CAST: variants seen among roughly 807,000 people sequenced by gnomAD.
CAST encodes the protein calpastatin, also known as MIR583 host.
In CAST, 76 loss-of-function variants were observed where a neutral mutation model predicts 119.6. That is an observed-to-expected ratio of 0.64 (90% CI 0.53 to 0.77). The LOEUF (loss-of-function observed/expected upper bound fraction) is 0.77. Ranked by LOEUF, CAST falls within the 30% of genes least tolerant of loss-of-function variation. The pLI, the probability that CAST is intolerant of heterozygous loss-of-function variation, is 0.00. For synonymous variants in CAST, 319 were observed against 331.6 expected (o/e 0.96, Z 0.41); for missense variants, 953 against 946.5 (o/e 1.01, Z -0.09).
the CAST span, among the ~76,000 whole-genome samples, chr5:96,217,167 T>C: frequency 6.6e-6 from 1 of 150,606 alleles, no homozygotes; most frequent in Non-Finnish European, 1.5e-5. Context: ...GCCTCTGAAA[T>C]AGCTGGGACT....
At chr5:96,759,619 C>T (rs1034918736) in intron 24 of CAST, among the ~76,000 whole-genome samples, 6 of 151,712 alleles carry the variant, frequency 4.0e-5, no homozygotes, top group South Asian at 2.1e-4. Flanking sequence ...ATGAAAATAG[C>T]GGCATGAAAG....
chr5:96,250,147 T>G, the CAST span, among the ~76,000 whole-genome samples: 1 of 152,214 alleles, frequency 6.6e-6, no homozygotes, highest in Admixed American at 6.5e-5. Flanking sequence ...TCAAGTTCTC[T>G]TATGTTGTGA....
intron 3 of CAST, among the ~76,000 whole-genome samples, chr5:96,714,012 T>C (rs1296965489): frequency 6.6e-6 from 1 of 152,066 alleles, no homozygotes; most frequent in East Asian, 1.9e-4. Context: ...ACAGAATTAC[T>C]CTGTCATTCT....
upstream of CAST, among the ~76,000 whole-genome samples, chr5:96,527,197 GC>G (rs1345203270): frequency 1.3e-5 from 2 of 152,184 alleles, no homozygotes; most frequent in Non-Finnish European, 2.9e-5. Flanking sequence ...GTGAAGATAA[GC>G]TACACATTTA....
chr5:96,498,074 A>G, the CAST span, among the ~76,000 whole-genome samples: 5 of 152,190 alleles, frequency 3.3e-5, no homozygotes, highest in Non-Finnish European at 5.9e-5. Context: ...TCAGCTTTCC[A>G]CATATGGCTA....
chr5:96,336,194 C>T, the CAST span, among the ~76,000 whole-genome samples: 1 of 152,358 alleles, frequency 6.6e-6, no homozygotes, highest in African/African-American at 2.4e-5. Context: ...CCGCTGCCCC[C>T]TATTTTGACT....
chr5:96,321,327 C>T, the CAST span, among the ~76,000 whole-genome samples: 1 of 152,214 alleles, frequency 6.6e-6, no homozygotes, highest in Admixed American at 6.5e-5. Flanking sequence ...TGTCTCCAGA[C>T]ATTGACTGGT....
the CAST span, among the ~76,000 whole-genome samples, chr5:96,476,297 A>C: frequency 9.9e-5 from 15 of 152,206 alleles, no homozygotes; most frequent in Non-Finnish European, 2.2e-4. Flanking sequence ...TTCATATTTA[A>C]GACTTTATTT....
chr5:96,057,595 G>T, the CAST span, among the ~76,000 whole-genome samples: 3,089 of 152,190 alleles, frequency 0.02, 72 homozygotes, highest in Admixed American at 0.073. Context: ...AACATGTGAG[G>T]CTCAGAACTG....
At chr5:96,153,526 T>G in the CAST span, among the ~76,000 whole-genome samples, 3 of 152,264 alleles carry the variant, frequency 2.0e-5, no homozygotes, top group Non-Finnish European at 1.5e-5. Context: ...CCATTTTTAT[T>G]CTTGCATTGG....
At chr5:96,112,077 A>G in the CAST span, among the ~76,000 whole-genome samples, 1 of 151,566 alleles carries the variant, frequency 6.6e-6, no homozygotes, top group Non-Finnish European at 1.5e-5. Context: ...TCTTTTATAC[A>G]ATAAGAAAAA....
the CAST span, among the ~76,000 whole-genome samples, chr5:96,471,764 C>CTGTG: frequency 1.7e-3 from 119 of 70,652 alleles, 1 homozygote; most frequent in South Asian, 4.5e-3. Context: ...CAAATGGAGT[C>CTGTG]TGTGTGTGTG....
At chr5:95,961,702 C>T in the CAST span, 3 of 1,606,272 alleles carry the variant, frequency 1.9e-6, no homozygotes, top group Non-Finnish European at 2.5e-6. Flanking sequence ...CCGCAGGCCC[C>T]CTGTCCCCCC....
the CAST span, among the ~76,000 whole-genome samples, chr5:95,962,906 G>A: frequency 6.6e-6 from 1 of 152,280 alleles, no homozygotes; most frequent in East Asian, 1.9e-4. Context: ...AGATGGGGGC[G>A]TGAGGGGCGT....
chr5:96,686,194 T>G (rs994878394), intron 2 of CAST, among the ~76,000 whole-genome samples: 2 of 152,050 alleles, frequency 1.3e-5, no homozygotes, highest in Admixed American at 6.6e-5. Flanking sequence ...CTTTATTTCA[T>G]GACTCCTCTT....
the CAST span, among the ~76,000 whole-genome samples, chr5:96,250,124 A>G: frequency 6.6e-6 from 1 of 152,166 alleles, no homozygotes; most frequent in East Asian, 1.9e-4. Context: ...ACCCTTTCTC[A>G]AATGACATGA....
In CAST at chr5:96,589,803, C is replaced by T. The variant is rs557820221; in HGVS notation, c.60+59923C>T. ...AGCCTTGCTAAATAATCAGCTATCA[C>T]GTCTCATTCATAAGGGTCTTTCTTC... On this transcript the variant is annotated intron_variant, in intron 1 of 11. Transcript: ENST00000505143. Among the ~76,000 whole-genome samples the T allele has an allele frequency of 2.6e-5, 4 of 152,250 alleles. No homozygotes were observed. In the East Asian group the frequency reaches 7.7e-4, roughly 29 times the overall value.
the CAST span, among the ~76,000 whole-genome samples, chr5:96,126,309 T>A: frequency 6.6e-6 from 1 of 152,256 alleles, no homozygotes; most frequent in East Asian, 1.9e-4. Flanking sequence ...AGAAATAGAT[T>A]GTGAAATTTA....
chr5:96,097,110 G>C, the CAST span, among the ~76,000 whole-genome samples: 1 of 152,096 alleles, frequency 6.6e-6, no homozygotes, highest in Non-Finnish European at 1.5e-5. Context: ...CTAAATAATT[G>C]AGCCTTTCCA....
Sources: gnomAD v4.1 joint callset for allele counts (sites outside exome capture counted in the v4.1 genomes callset) on GRCh38, gnomAD v4.1.1 for gene constraint, MANE v1.5 for transcripts, NCBI Gene and HGNC (gene_info 2026-07-23, HGNC 2026-07-21) for gene names.